The following COLEC11 variants were observed in gnomAD, a reference collection of about 807,000 sequenced individuals.
COLEC11 encodes the protein collectin subfamily member 11, also known as collectin-11.
In COLEC11, 20 loss-of-function variants were observed where a neutral mutation model predicts 27.3. That is an observed-to-expected ratio of 0.73 (90% CI 0.51 to 1.06). The LOEUF is 1.06. COLEC11 is among the 50% of genes least tolerant of loss of function. The pLI is 0.00. For synonymous variants in COLEC11, 163 were observed against 154.7 expected (o/e 1.05, Z -0.40); for missense variants, 310 against 383.0 (o/e 0.81, Z 1.59).
At chr2:3,625,875 C>T (rs576916464) in intron 3 of COLEC11, 161 of 754,502 alleles carry the variant, frequency 2.1e-4, no homozygotes, top group African/African-American at 9.0e-4. Context: ...TCAAGAGATC[C>T]GCCTACCTTG....
intron 1 of COLEC11, among the ~76,000 whole-genome samples, chr2:3,601,050 T>C (rs1662181915): frequency 6.6e-6 from 1 of 152,148 alleles, no homozygotes; most frequent in Non-Finnish European, 1.5e-5. Flanking sequence ...TGTGAAGTCA[T>C]CTCTACTTCT....
chr2:3,601,993 T>G (rs1662265614), intron 1 of COLEC11: 1 of 152,196 alleles, frequency 6.6e-6, no homozygotes, highest in Non-Finnish European at 1.5e-5. Context: ...CTGGGAGAAC[T>G]CCTCGTGCAG....
intron 4 of COLEC11, among the ~76,000 whole-genome samples, chr2:3,637,986 C>G (rs1350461895): frequency 6.6e-6 from 1 of 152,172 alleles, no homozygotes; most frequent in Admixed American, 6.5e-5. Context: ...CATCTGTTCC[C>G]CCAGCTCAGG....
intron 2 of COLEC11, among the ~76,000 whole-genome samples, chr2:3,607,483 T>C (rs560504193): frequency 9.3e-5 from 14 of 149,932 alleles, no homozygotes; most frequent in Admixed American, 8.7e-4. Context: ...GTTTCTCTCT[T>C]GTTGCCCAGG....
Position 3,637,618 on chromosome 2 carries a change from G to T in COLEC11, c.274+14G>T. ...TTGGCTCTAAAGGTATTTGCAATGC[G>T]ATTCTTGCCTCATTTCCCCCCTGCC... On this transcript the variant is annotated intron_variant, in intron 4 of 6. Coordinates refer to ENST00000349077, the MANE Select transcript of COLEC11 (RefSeq NM_024027.5). 2.5e-6 allele frequency: 4 copies of T among 1,608,558 alleles called. No homozygotes were observed. The highest frequency in any genetic ancestry group is 3.4e-6 in the Non-Finnish European group (4 of 1,174,886).
chr2:3,624,965 T>C (rs181708728), intron 3 of COLEC11, among the ~76,000 whole-genome samples: 3 of 152,304 alleles, frequency 2.0e-5, no homozygotes, highest in Admixed American at 2.0e-4. Context: ...CCTGATATAG[T>C]AGTTATTCCT....
At chr2:3,634,939 G>A (rs556075683) in intron 3 of COLEC11, among the ~76,000 whole-genome samples, 30 of 151,766 alleles carry the variant, frequency 2.0e-4, no homozygotes, top group Admixed American at 1.4e-3. Context: ...GCCTCTCACC[G>A]CCTTGCTGTG....
At chr2:3,625,673 T>C (rs1991608) in intron 3 of COLEC11, among the ~76,000 whole-genome samples, 109,411 of 141,936 alleles carry the variant, frequency 0.77, 42,522 homozygotes, top group African/African-American at 0.87. Context: ...CGCTCTGTTG[T>C]CAAGGCTGGA....
At chr2:3,607,646 AC>A (rs1190373296) in intron 2 of COLEC11, among the ~76,000 whole-genome samples, 1 of 151,998 alleles carries the variant, frequency 6.6e-6, no homozygotes, top group Non-Finnish European at 1.5e-5. Flanking sequence ...ACGGGGTTTC[AC>A]CATGTTATCC....
intron 3 of COLEC11, among the ~76,000 whole-genome samples, chr2:3,619,206 C>T (rs1019640323): frequency 5.3e-5 from 8 of 150,038 alleles, no homozygotes; most frequent in Non-Finnish European, 1.2e-4. Flanking sequence ...TCCTTTCTTT[C>T]TCTCTTTCCT....
At chr2:3,614,369 T>C (rs540605173) in intron 3 of COLEC11, among the ~76,000 whole-genome samples, 1 of 152,270 alleles carries the variant, frequency 6.6e-6, no homozygotes, top group East Asian at 1.9e-4. Flanking sequence ...AAAAAATTAT[T>C]ATAACAACAC....
chr2:3,604,547 T>C, intron 2 of COLEC11, 77 bp downstream of exon 2: 2 of 1,516,804 alleles, frequency 1.3e-6, no homozygotes, highest in Non-Finnish European at 1.8e-6. Context: ...AACTGCGCAG[T>C]TCCACGGAAA....
intron 4 of COLEC11, among the ~76,000 whole-genome samples, chr2:3,639,806 G>A (rs766308069): frequency 2.6e-5 from 4 of 152,336 alleles, no homozygotes; most frequent in South Asian, 4.1e-4. Flanking sequence ...AGGCTGCTAC[G>A]AGCAGGGATG....
chr2:3,595,335 G>T (rs528744408), intron 1 of COLEC11, among the ~76,000 whole-genome samples, 167 bp downstream of exon 1: 1 of 152,360 alleles, frequency 6.6e-6, no homozygotes. Flanking sequence ...CAATAAATCT[G>T]GCACCAGAGT....
At chr2:3,622,834 TATTC>T (rs1664277208) in intron 3 of COLEC11, among the ~76,000 whole-genome samples, 1 of 152,240 alleles carries the variant, frequency 6.6e-6, no homozygotes, top group Non-Finnish European at 1.5e-5. Context: ...CAGTCACAGA[TATTC>T]AGTAATGGCA....
intron 2 of COLEC11, among the ~76,000 whole-genome samples, chr2:3,612,169 A>G (rs1186262935): frequency 6.6e-6 from 1 of 152,104 alleles, no homozygotes; most frequent in East Asian, 1.9e-4. Flanking sequence ...GTAGCATATC[A>G]GCGCACACAC....
At chr2:3,622,508 A>G (rs1664257021) in intron 3 of COLEC11, among the ~76,000 whole-genome samples, 1 of 152,226 alleles carries the variant, frequency 6.6e-6, no homozygotes, top group Admixed American at 6.5e-5. Flanking sequence ...TCACGTTGAA[A>G]CTTGATCTTT....
chr2:3,636,047 G>A (rs756164971), intron 3 of COLEC11, among the ~76,000 whole-genome samples: 4 of 152,238 alleles, frequency 2.6e-5, no homozygotes, highest in Non-Finnish European at 5.9e-5. Context: ...TTGGGGGAAC[G>A]TTACATCTGC....
chr2:3,635,214 C>T (rs1665313486), intron 3 of COLEC11, among the ~76,000 whole-genome samples: 3 of 151,890 alleles, frequency 2.0e-5, no homozygotes, highest in Admixed American at 6.6e-5. Flanking sequence ...AGGCTTGGCA[C>T]TCAGTGCCAG....
Sources: gnomAD v4.1 joint callset for allele counts (sites outside exome capture counted in the v4.1 genomes callset) on GRCh38, gnomAD v4.1.1 for gene constraint, MANE v1.5 for transcripts, NCBI Gene and HGNC (gene_info 2026-07-23, HGNC 2026-07-21) for gene names.